Variants in CEP192 observed in about 807,000 individuals in gnomAD.
The protein encoded by CEP192 is centrosomal protein 192.
A neutral mutation model predicts 271.8 loss-of-function variants in CEP192; 151 were observed. That is an observed-to-expected ratio of 0.56 (90% CI 0.49 to 0.64). The LOEUF (loss-of-function observed/expected upper bound fraction) is 0.64, where lower values mean the gene tolerates loss of function less well. Among genes scored for constraint, CEP192 ranks in the 30% least tolerant of loss-of-function variants. CEP192 has a pLI of 0.00. For missense variants in CEP192, 2,910 were observed against 3,020.5 expected, an observed-to-expected ratio of 0.96 and a Z score of 0.86; for synonymous variants, 995 against 1,076.5, an observed-to-expected ratio of 0.92 and a Z score of 1.48.
intron 30 of CEP192, among the ~76,000 whole-genome samples, chr18:13,083,102 G>A (rs1450321609): frequency 6.6e-6 from 1 of 152,038 alleles, no homozygotes; most frequent in Non-Finnish European, 1.5e-5. Context: ...ATGTGCCTTG[G>A]GGTTGCTCTT....
In CEP192 at chr18:13,011,845, C is replaced by T. The variant is rs567508343; in HGVS notation, c.467-1128C>T. ...GTCCGACCTCACAGAAAACCTTGTA[C>T]ATGAATGTTCATAGCAGCATTACTC... On this transcript the variant is annotated intron_variant, in intron 4 of 44. Coordinates refer to ENST00000506447, the MANE Select transcript of CEP192 (RefSeq NM_032142.4). Among the ~76,000 whole-genome samples, 7 of 152,292 alleles carry T rather than the reference C, an allele frequency of 4.6e-5. No individual in the cohort carries two copies. The East Asian group carries it at 1.3e-3, about 29-fold the overall frequency.
intron 42 of CEP192, among the ~76,000 whole-genome samples, chr18:13,115,761 T>A (rs1429199834): frequency 6.6e-6 from 1 of 152,086 alleles, no homozygotes; most frequent in East Asian, 1.9e-4. Context: ...CACAAGTTCA[T>A]TTTTGTATTT....
intron 1 of CEP192, among the ~76,000 whole-genome samples, chr18:12,997,923 C>T (rs1409141590): frequency 6.6e-6 from 1 of 152,054 alleles, no homozygotes; most frequent in Non-Finnish European, 1.5e-5. Context: ...CGAGGTTTTA[C>T]CACGTTGGCC....
chr18:13,108,594 G>A (rs11663455), intron 40 of CEP192, among the ~76,000 whole-genome samples: 20,831 of 152,024 alleles, frequency 0.14, 1,574 homozygotes, highest in East Asian at 0.31. Flanking sequence ...AATCAAAACC[G>A]CAATGAGATA....
At chr18:13,024,570 C>G (rs1192585049) in intron 9 of CEP192, among the ~76,000 whole-genome samples, 1 of 152,068 alleles carries the variant, frequency 6.6e-6, no homozygotes, top group Admixed American at 6.5e-5. Context: ...TCAATTGATT[C>G]TCCTGCCTCA....
intron 33 of CEP192, among the ~76,000 whole-genome samples, chr18:13,091,790 A>G (rs751903031): frequency 6.6e-6 from 1 of 152,300 alleles, no homozygotes; most frequent in South Asian, 2.1e-4. Context: ...TCATTAATCT[A>G]TAAATATTTA....
intron 15 of CEP192, 28 bp downstream of exon 15, chr18:13,042,362 T>G (rs2036256232): frequency 6.2e-7 from 1 of 1,611,416 alleles, no homozygotes; most frequent in South Asian, 1.1e-5. Flanking sequence ...TAAGGAAATC[T>G]AAGATTATCT....
rs2036865330 is a variant in CEP192, at chr18:13,052,797, G to A, written c.3018-122G>A. 2.5e-5 allele frequency: 16 copies of A among 647,020 alleles called. 2 individuals carry two copies. In the South Asian group the frequency reaches 5.5e-4, roughly 22 times the overall value. 40.1% of individuals were successfully genotyped at this position (647,020 alleles called of 1,614,324 possible). ...TCTTTACAATTTTAGATAATTAAGT[G>A]TAAACATTGAATTTGTGGTTGAGTC... is the stretch of plus-strand genomic sequence containing the variant. On this transcript the variant is annotated intron_variant, in intron 17 of 44. Transcript: ENST00000506447.
chr18:13,032,687 A>G (rs1001632497), intron 11 of CEP192, among the ~76,000 whole-genome samples: 2 of 152,234 alleles, frequency 1.3e-5, no homozygotes, highest in African/African-American at 2.4e-5. Flanking sequence ...ACCAAAAGAC[A>G]TACTAAAATG....
intron 6 of CEP192, among the ~76,000 whole-genome samples, chr18:13,015,877 C>G (rs2143050957): frequency 6.6e-6 from 1 of 152,032 alleles, no homozygotes; most frequent in South Asian, 2.1e-4. Context: ...TCCTGAGTAG[C>G]TGGGATTACA....
Position 13,052,908 on chromosome 18 carries a change from T to G in CEP192, c.3018-11T>G. ...GGAGAACTCCAGGTGTGAGCTACTC[T>G]TCTCTTTCAGGTGTGCGTTAGAGTC... On this transcript the variant is annotated splice_polypyrimidine_tract_variant and intron_variant, in intron 17 of 44. Coordinates refer to ENST00000506447, the MANE Select transcript of CEP192 (RefSeq NM_032142.4). 6.7e-7 allele frequency: 1 copy of G among 1,500,948 alleles called. No individual in the cohort carries two copies. The highest frequency in any genetic ancestry group is 9.0e-7 in the Non-Finnish European group (1 of 1,109,288). 93.0% of individuals were successfully genotyped at this position (1,500,948 alleles called of 1,614,324 possible).
rs9959522 is a variant in CEP192, at chr18:12,995,546, G to C, written c.-4-3875G>C. On this transcript the variant is annotated intron_variant, in intron 1 of 44. Coordinates refer to ENST00000506447, the MANE Select transcript of CEP192 (RefSeq NM_032142.4). The stretch of plus-strand genomic sequence containing the variant: ...ATTCATTCACTCAAGTTTATTGAGC[G>C]TCTCGTGCCAGCACTGTTCTAGCTG... Among the ~76,000 whole-genome samples the C allele has an allele frequency of 3.3e-5, 5 of 152,214 alleles. No individual in the cohort carries two copies. The South Asian group carries it at 1.0e-3, about 32-fold the overall frequency.
chr18:13,114,328 A>T lies in CEP192; in HGVS notation c.7289+77A>T, dbSNP rs535425509. 1.3e-5 allele frequency: 19 copies of T among 1,477,202 alleles called. 1 individual carries two copies. The South Asian group carries it at 2.0e-4, about 16-fold the overall frequency. The allele number at this position is 1,477,202 out of a possible 1,614,324, so 91.5% of individuals were successfully genotyped here. A position where few individuals can be genotyped will look rare whatever the true frequency, so the allele number is the denominator to read the frequency against. On this transcript the variant is annotated intron_variant, in intron 42 of 44. Coordinates refer to ENST00000506447, the MANE Select transcript of CEP192 (RefSeq NM_032142.4). ...AATAGAGTCAGTAAAATGCTCGATGACTTTACCTGAGTTCACATGTGTTAC... is the reference window on the plus strand; with the variant it reads ...AATAGAGTCAGTAAAATGCTCGATGTCTTTACCTGAGTTCACATGTGTTAC...
chr18:13,045,303 G>A (rs958368965), intron 15 of CEP192, among the ~76,000 whole-genome samples: 7 of 152,014 alleles, frequency 4.6e-5, no homozygotes, highest in Admixed American at 3.9e-4. Context: ...GATGCTTAGT[G>A]TGCTTATTTT....
At chr18:13,020,118 T>G (rs1378590628) in intron 9 of CEP192, among the ~76,000 whole-genome samples, 2 of 152,280 alleles carry the variant, frequency 1.3e-5, no homozygotes, top group Middle Eastern at 3.4e-3. Context: ...GCTACTATCT[T>G]AATCATTTTT....
intron 30 of CEP192, among the ~76,000 whole-genome samples, chr18:13,082,693 G>GT (rs1320950336): frequency 6.6e-6 from 1 of 152,018 alleles, no homozygotes; most frequent in African/African-American, 2.4e-5. Context: ...TTGCCTGGTA[G>GT]TTGATGTAGT....
intron 27 of CEP192, among the ~76,000 whole-genome samples, chr18:13,070,075 C>T (rs1347722995): frequency 2.0e-5 from 3 of 151,888 alleles, no homozygotes; most frequent in African/African-American, 4.8e-5. Context: ...GCAGGAGAGT[C>T]GCTTGAACCC....
Position 13,114,211 on chromosome 18 carries a change from C to G in CEP192, c.7249C>G (p.Arg2417Gly). Reference protein sequence around the residue: ...LIKIDHLVKPRRQAVSEASAR... With the variant: ...LIKIDHLVKPGRQAVSEASAR... ...TAAAATAGATCATTTAGTTAAGCCC[C>G]GAAGACAAGCTGTGTCAGAGGCTTC... Residue 2417 changes from arginine to glycine, a missense_variant, in exon 42 of 45, where the codon CGA becomes GGA. Physicochemically the swap from Arg to Gly is moderately radical, Grantham distance 125. Transcript: ENST00000506447. The G allele has an allele frequency of 6.2e-7, 1 of 1,613,900 alleles. No individual in the cohort carries two copies. The highest frequency in any genetic ancestry group is 8.5e-7 in the Non-Finnish European group (1 of 1,179,976).
intron 3 of CEP192, among the ~76,000 whole-genome samples, chr18:13,004,560 C>T (rs990883501): frequency 6.6e-6 from 1 of 152,082 alleles, no homozygotes; most frequent in Non-Finnish European, 1.5e-5. Flanking sequence ...TGGAAGTTAC[C>T]TTTTCAGTGC....
Sources: gnomAD v4.1 joint callset for allele counts (sites outside exome capture counted in the v4.1 genomes callset) on GRCh38, gnomAD v4.1.1 for gene constraint, MANE v1.5 for transcripts, NCBI Gene and HGNC (gene_info 2026-07-23, HGNC 2026-07-21) for gene names.